SARS1: variants seen among roughly 807,000 people sequenced by gnomAD.
SARS1 encodes seryl-tRNA synthetase 1.
A neutral mutation model predicts 63.7 loss-of-function variants in SARS1; 25 were observed. The observed-to-expected ratio is 0.39, with a 90% CI of 0.29 to 0.55. The LOEUF is 0.55. Ranked by LOEUF, SARS1 falls within the 20% of genes least tolerant of loss-of-function variation. SARS1 has a pLI of 0.62. For missense variants in SARS1, 417 were observed against 649.7 expected (o/e 0.64, Z 3.89); for synonymous variants, 231 against 243.5 (o/e 0.95, Z 0.48).
intron 3 of SARS1, among the ~76,000 whole-genome samples, chr1:109,228,641 G>A (rs1191620723): frequency 3.3e-5 from 5 of 152,130 alleles, no homozygotes; most frequent in African/African-American, 4.8e-5. Context: ...TGGGAGAGTC[G>A]GAGAGTCAAG....
In SARS1 at chr1:109,226,833, C is replaced by T. The variant is rs1012688480; in HGVS notation, c.208-1519C>T. Reference sequence around the variant, plus strand: ...CTCCTGGGCTAAAGTGATCTGCCCACCTCAGCCTACCATGTAGCTGGGATT... The same window carrying T: ...CTCCTGGGCTAAAGTGATCTGCCCATCTCAGCCTACCATGTAGCTGGGATT... On this transcript the variant is annotated intron_variant, in intron 2 of 10. Transcript: ENST00000234677. Among the ~76,000 whole-genome samples, 3 of 150,072 alleles carry T rather than the reference C, an allele frequency of 2.0e-5. No homozygotes were observed. The Admixed American group carries it at 2.0e-4, about 10-fold the overall frequency.
intron 2 of SARS1, among the ~76,000 whole-genome samples, chr1:109,226,677 A>AATAT (rs1553177726): frequency 0.01 from 468 of 44,908 alleles, 15 homozygotes; most frequent in South Asian, 0.062. Flanking sequence ...AAAAAAAAAA[A>AATAT]ATATATATAT....
At chr1:109,227,146 T>C (rs749413862) in intron 2 of SARS1, among the ~76,000 whole-genome samples, 1 of 151,764 alleles carries the variant, frequency 6.6e-6, no homozygotes, top group Non-Finnish European at 1.5e-5. Context: ...AGGTGTCTGC[T>C]ACCGCGCCTG....
Position 109,231,752 on chromosome 1 carries a change from C to A in SARS1, c.713C>A (p.Ala238Glu). 6.3e-7 allele frequency: 1 copy of A among 1,579,458 alleles called. No individual in the cohort carries two copies. Residue 238 changes from alanine to glutamate, a missense_variant, in exon 6 of 11, where the codon GCA becomes GAA. Around this residue, in one of 3 missense-constraint regions of SARS1, gnomAD observed 359 missense variants for 529.6 expected, o/e 0.68. Coordinates refer to ENST00000234677, the MANE Select transcript of SARS1 (RefSeq NM_006513.4). ...FMRKEVMQEVAQLSQFDEELY... is the reference protein window; with the variant it reads ...FMRKEVMQEVEQLSQFDEELY... Reference sequence around the variant, plus strand: ...AGGAAGGAGGTCATGCAGGAGGTGGCACAGCTCAGCCAGTTTGATGAAGAA... The same window carrying A: ...AGGAAGGAGGTCATGCAGGAGGTGGAACAGCTCAGCCAGTTTGATGAAGAA...
intron 1 of SARS1, among the ~76,000 whole-genome samples, chr1:109,221,350 C>A (rs1023820916): frequency 6.6e-6 from 1 of 152,106 alleles, no homozygotes. Context: ...TGAGCCACTG[C>A]GTCCGGCCAC....
chr1:109,226,672 A>AAG, intron 2 of SARS1, among the ~76,000 whole-genome samples: 1 of 45,796 alleles, frequency 2.2e-5, no homozygotes, highest in East Asian at 6.3e-4. Context: ...TTAAAAAAAA[A>AAG]AAAAAATATA....
rs1655339851 is a variant in SARS1 at position 109,237,528 on chromosome 1, G to T, written c.1387+155G>T. ...CGGGCTGGGCAGGGCAGGGGGCCTG[G>T]TTGAGAAAGTAGCCAGTGCAGGTAT... On this transcript the variant is annotated intron_variant, in intron 10 of 10. Transcript: ENST00000234677. The surrounding 1 kb of genome is among the most constrained non-coding windows in gnomAD (Gnocchi z 4.1). 6.6e-6 allele frequency among the ~76,000 whole-genome samples: 1 copy of T among 152,230 alleles called. No homozygotes were observed. Among genetic ancestry groups the T allele is most frequent in the Admixed American group, 6.5e-5 (1 of 15,286 alleles).
chr1:109,231,126 G>A, intron 5 of SARS1, 105 bp downstream of exon 5: 2 of 681,254 alleles, frequency 2.9e-6, no homozygotes, highest in Non-Finnish European at 2.0e-6. Context: ...GTTTAAAGAG[G>A]CCCACAGATC....
chr1:109,237,588 A>G lies in SARS1; in HGVS notation c.1388-143A>G. 9 of 1,125,706 alleles carry G rather than the reference A, an allele frequency of 8.0e-6. No individual in the cohort carries two copies. Among genetic ancestry groups the G allele is most frequent in the Non-Finnish European group, 1.1e-5 (9 of 787,720 alleles). 69.7% of individuals were successfully genotyped at this position (1,125,706 alleles called of 1,614,324 possible). On this transcript the variant is annotated intron_variant, in intron 10 of 10. Coordinates refer to ENST00000234677, the MANE Select transcript of SARS1 (RefSeq NM_006513.4). The surrounding 1 kb of genome is among the most constrained non-coding windows in gnomAD (Gnocchi z 4.1). ...ATGCTGCTAAAATTCAGACTAGGGA[A>G]GAAAAGAATAAAGGAAACCAGTGCC...
At chr1:109,220,059 A>G (rs1654896252) in intron 1 of SARS1, among the ~76,000 whole-genome samples, 1 of 152,240 alleles carries the variant, frequency 6.6e-6, no homozygotes, top group South Asian at 2.1e-4. Context: ...ATAGTTGTAT[A>G]TATTTATAGG....
chr1:109,218,227 C>T (rs1311828925), intron 1 of SARS1, among the ~76,000 whole-genome samples: 1 of 141,168 alleles, frequency 7.1e-6, no homozygotes, highest in Non-Finnish European at 1.5e-5. Flanking sequence ...ATTAGCCAGG[C>T]GTGGTGGCGG....
At position 109,231,760 on chromosome 1, in the gene SARS1, A is replaced by T. The variant is rs1290257109; in HGVS notation, c.721A>T (p.Ser241Cys). 6.4e-7 allele frequency: 1 copy of T among 1,565,904 alleles called. No homozygotes were observed. The highest frequency in any genetic ancestry group is 1.4e-5 in the African/African-American group (1 of 71,908). ...KEVMQEVAQL[S>C]QFDEELYKVI... ...GGTCATGCAGGAGGTGGCACAGCTC[A>T]GCCAGTTTGATGAAGAACTTTATAA... Residue 241 changes from serine (S) to cysteine (C), a missense_variant, in exon 6 of 11, where the codon AGC (serine) becomes TGC (cysteine). Transcript: ENST00000234677.
intron 1 of SARS1, among the ~76,000 whole-genome samples, chr1:109,219,775 A>C (rs1283277227): frequency 6.6e-6 from 1 of 152,106 alleles, no homozygotes; most frequent in East Asian, 1.9e-4. Flanking sequence ...GGCCTCCCAA[A>C]ATGCTGGGAT....
At chr1:109,217,380 A>G (rs1272290749) in intron 1 of SARS1, among the ~76,000 whole-genome samples, 1 of 152,132 alleles carries the variant, frequency 6.6e-6, no homozygotes, top group Non-Finnish European at 1.5e-5. Context: ...TATCTCATGT[A>G]ATTTATTACT....
Position 109,231,794 on chromosome 1 carries a change from G to T in SARS1, c.747+8G>T. 1 of 1,515,326 alleles carries T rather than the reference G, an allele frequency of 6.6e-7. No homozygotes were observed. The highest frequency in any genetic ancestry group is 8.8e-7 in the Non-Finnish European group (1 of 1,133,912). 93.9% of individuals were successfully genotyped at this position (1,515,326 alleles called of 1,614,324 possible). ...GATGAAGAACTTTATAAGGTGAGTA[G>T]CCTGGGTCAGGTGACAGAATGACTT... On this transcript the variant is annotated splice_region_variant and intron_variant, in intron 6 of 10. Coordinates refer to ENST00000234677, the MANE Select transcript of SARS1 (RefSeq NM_006513.4).
intron 6 of SARS1, among the ~76,000 whole-genome samples, chr1:109,233,177 TA>T (rs1655241880): frequency 7.2e-6 from 1 of 138,078 alleles, no homozygotes; most frequent in African/African-American, 2.6e-5. Flanking sequence ...TTTTTTTTTT[TA>T]ATTAATTTCC....
In SARS1 at chr1:109,229,486, C is replaced by T; in HGVS notation, c.361C>T (p.Arg121Trp). 4 of 1,614,134 alleles carry T rather than the reference C, an allele frequency of 2.5e-6. No homozygotes were observed. The highest frequency in any genetic ancestry group is 3.4e-6 in the Non-Finnish European group (4 of 1,180,014). The change falls in exon 4 of 11, where the codon CGG becomes TGG. Residue 121 changes from arginine to tryptophan, a missense_variant. Coordinates refer to ENST00000234677, the MANE Select transcript of SARS1 (RefSeq NM_006513.4). ...AGCCATCCTGAAGTGTGACGCGGAG[C>T]GGATAAAGTTGGAAGCAGAGCGGTT... The part of the protein sequence containing the change: ...DEAILKCDAE[R>W]IKLEAERFEN...
chr1:109,235,887 A>T lies in SARS1; in HGVS notation c.970-90A>T. The T allele has an allele frequency of 7.6e-7, 1 of 1,317,514 alleles. No individual in the cohort carries two copies. Among genetic ancestry groups the T allele is most frequent in the Admixed American group, 2.4e-5 (1 of 42,392 alleles). The allele number at this position is 1,317,514 out of a possible 1,614,324, so 81.6% of individuals were successfully genotyped here. A position where few individuals can be genotyped will look rare whatever the true frequency, so the allele number is the denominator to read the frequency against. ...ACTTGCCTGCCTCCCAGTGGTGTGGAAACAGGTCTTCATGGCAAGGATGTC... is the reference window on the plus strand; with the variant it reads ...ACTTGCCTGCCTCCCAGTGGTGTGGTAACAGGTCTTCATGGCAAGGATGTC... On this transcript the variant is annotated intron_variant, in intron 7 of 10. Transcript: ENST00000234677. This position sits in a 1 kb window ranked among gnomAD's most constrained non-coding sequence, Gnocchi z 4.7.
intron 1 of SARS1, among the ~76,000 whole-genome samples, chr1:109,220,292 CA>C (rs1331618125): frequency 6.6e-6 from 1 of 152,084 alleles, no homozygotes; most frequent in Non-Finnish European, 1.5e-5. Context: ...TAGATAATAC[CA>C]AGTAGTTTTC....
Sources: allele counts gnomAD v4.1 joint callset (sites outside exome capture counted in the v4.1 genomes callset), GRCh38; gene constraint gnomAD v4.1.1; regional missense constraint gnomAD v4.1.1; non-coding constraint Gnocchi (gnomAD v3.1); transcripts MANE v1.5; gene names NCBI Gene and HGNC (gene_info 2026-07-23, HGNC 2026-07-21).